Variants in CDC20B observed in about 807,000 individuals in gnomAD.
The protein encoded by CDC20B is cell division cycle 20B, also known as cell division cycle protein 20 homolog B.
In CDC20B, 58 loss-of-function variants were observed where a neutral mutation model predicts 64.1. The ratio of observed to expected loss-of-function variants is 0.90; its 90% CI spans 0.73 to 1.13. CDC20B has a LOEUF of 1.13. Among genes scored for constraint, CDC20B ranks in the 50% most tolerant of loss-of-function variants. The probability of loss-of-function intolerance (pLI) is 0.00; values close to 1 mark genes in which losing one functional copy is unlikely to be tolerated. For synonymous variants in CDC20B, 243 were observed against 230.6 expected, an observed-to-expected ratio of 1.05 and a Z score of -0.49; for missense variants, 597 against 633.0, an observed-to-expected ratio of 0.94 and a Z score of 0.61.
At chr5:55,116,848 G>C (rs1742637055) in intron 11 of CDC20B, among the ~76,000 whole-genome samples, 1 of 152,186 alleles carries the variant, frequency 6.6e-6, no homozygotes, top group African/African-American at 2.4e-5. Flanking sequence ...AAACTGGAAA[G>C]CTACTTTTAG....
chr5:55,136,234 C>T (rs1743167728), intron 5 of CDC20B, among the ~76,000 whole-genome samples: 1 of 151,794 alleles, frequency 6.6e-6, no homozygotes, highest in Non-Finnish European at 1.5e-5. Flanking sequence ...GCGTGAACCA[C>T]TGTGCCCAGC....
intron 2 of CDC20B, among the ~76,000 whole-genome samples, chr5:55,153,491 T>C (rs984921181): frequency 3.3e-5 from 5 of 152,130 alleles, no homozygotes; most frequent in African/African-American, 1.2e-4. Context: ...GATAGATATA[T>C]GTATTATTTT....
Position 55,155,603 on chromosome 5 carries a change from C to T in CDC20B, c.127-8747G>A, listed in dbSNP as rs182664477. Among the ~76,000 whole-genome samples the T allele has an allele frequency of 1.7e-3, 265 of 152,270 alleles. 1 individual carries two copies. Among genetic ancestry groups the T allele is most frequent in the Middle Eastern group, 0.01 (3 of 294 alleles). On this transcript the variant is annotated intron_variant, in intron 2 of 11. Transcript: ENST00000381375. The stretch of plus-strand genomic sequence containing the variant: ...TAGTCATGAAGACCAAAATGTTCAT[C>T]GTCTCATGTTTGAACTTTCAACGCC...
chr5:55,121,284 G>C (rs576182607), intron 9 of CDC20B, among the ~76,000 whole-genome samples: 6 of 151,876 alleles, frequency 4.0e-5, no homozygotes, highest in African/African-American at 1.5e-4. Flanking sequence ...AGCAAACATC[G>C]TGTTTATACT....
chr5:55,160,149 C>T, intron 2 of CDC20B: 3 of 1,475,612 alleles, frequency 2.0e-6, no homozygotes, highest in Non-Finnish European at 2.8e-6. Flanking sequence ...TCAGCTCCTC[C>T]TTGAATTCCA....
At chr5:55,162,762 G>A (rs1277150836) in intron 2 of CDC20B, among the ~76,000 whole-genome samples, 2 of 152,250 alleles carry the variant, frequency 1.3e-5, no homozygotes, top group Non-Finnish European at 2.9e-5. Flanking sequence ...ATACGTGGGT[G>A]CAATAGCTCA....
intron 2 of CDC20B, among the ~76,000 whole-genome samples, chr5:55,154,243 G>A (rs79988884): frequency 0.024 from 3,663 of 152,228 alleles, 154 homozygotes; most frequent in African/African-American, 0.077. Flanking sequence ...AGGGTCTGGC[G>A]CAGTGGCTTA....
Position 55,172,925 on chromosome 5 carries a change from G to C in CDC20B, c.63+13C>G, listed in dbSNP as rs950058096. The C allele has an allele frequency of 1.3e-6, 2 of 1,595,892 alleles. No homozygotes were observed. Among genetic ancestry groups the C allele is most frequent in the Middle Eastern group, 1.7e-4 (1 of 5,940 alleles). On this transcript the variant is annotated intron_variant, in intron 1 of 11. Coordinates refer to ENST00000381375, the MANE Select transcript of CDC20B (RefSeq NM_001170402.1). ...AGAGAGTTAGGGAGAATGCAGAAAA[G>C]GGTGTTACTCACCCACAGCATCTCC...
At chr5:55,142,317 C>T (rs116453449) in intron 4 of CDC20B, among the ~76,000 whole-genome samples, 131 of 152,250 alleles carry the variant, frequency 8.6e-4, no homozygotes, top group African/African-American at 3.1e-3. Flanking sequence ...ACTCTCGATG[C>T]TATTTGACTT....
At chr5:55,117,972 A>G (rs1206061021) in intron 11 of CDC20B, among the ~76,000 whole-genome samples, 1 of 152,068 alleles carries the variant, frequency 6.6e-6, no homozygotes, top group Non-Finnish European at 1.5e-5. Context: ...CACAAAAATT[A>G]GCCAGGCGTG....
intron 2 of CDC20B, among the ~76,000 whole-genome samples, chr5:55,152,282 T>G (rs1464729719): frequency 6.6e-6 from 1 of 152,260 alleles, no homozygotes; most frequent in Non-Finnish European, 1.5e-5. Flanking sequence ...ACAAAGTTTC[T>G]GGTAATTTGT....
chr5:55,132,714 T>A (rs1045274304), intron 6 of CDC20B, among the ~76,000 whole-genome samples: 1 of 152,242 alleles, frequency 6.6e-6, no homozygotes, highest in African/African-American at 2.4e-5. Flanking sequence ...CCAAAACAAA[T>A]CTAAATTTCT....
In CDC20B at chr5:55,137,428, T is replaced by G. The variant is rs913490100; in HGVS notation, c.580+2886A>C. Reference sequence around the variant, plus strand: ...TATGGACAAGGCATAAAGAATTGCTTTATATACACAGCATTTGGATAACAT... The same window carrying G: ...TATGGACAAGGCATAAAGAATTGCTGTATATACACAGCATTTGGATAACAT... On this transcript the variant is annotated intron_variant, in intron 5 of 11. Coordinates refer to ENST00000381375, the MANE Select transcript of CDC20B (RefSeq NM_001170402.1). 651 of 408,596 alleles carry G rather than the reference T, an allele frequency of 1.6e-3. 3 individuals are homozygous for G. The highest frequency in any genetic ancestry group is 1.4e-3 in the Non-Finnish European group (291 of 202,988). 25.3% of individuals were successfully genotyped at this position (408,596 alleles called of 1,614,324 possible).
intron 2 of CDC20B, chr5:55,161,318 G>A: frequency 7.0e-7 from 1 of 1,418,474 alleles, no homozygotes; most frequent in Non-Finnish European, 9.7e-7. Flanking sequence ...ATTATACCAG[G>A]ACAATACTTT....
intron 8 of CDC20B, among the ~76,000 whole-genome samples, chr5:55,125,563 TG>T (rs1742864905): frequency 6.6e-6 from 1 of 152,314 alleles, no homozygotes; most frequent in African/African-American, 2.4e-5. Context: ...TAAAACCAAT[TG>T]AATGTCACAG....
chr5:55,164,446 C>G (rs1744272616), intron 2 of CDC20B: 1 of 298,666 alleles, frequency 3.3e-6, no homozygotes. Context: ...ATGAATGTTC[C>G]CAGGATGAGG....
chr5:55,127,379 T>C, intron 7 of CDC20B, 28 bp from the exon 8 acceptor site: 1 of 1,583,560 alleles, frequency 6.3e-7, no homozygotes. Flanking sequence ...GAGAGTTATG[T>C]AGCATTGGAG....
chr5:55,129,660 C>T (rs759881303), intron 6 of CDC20B, among the ~76,000 whole-genome samples: 1 of 152,190 alleles, frequency 6.6e-6, no homozygotes, highest in Non-Finnish European at 1.5e-5. Context: ...AGACTCAAAT[C>T]ACCTTAGTAA....
intron 3 of CDC20B, among the ~76,000 whole-genome samples, chr5:55,144,556 C>CT (rs1743419922): frequency 6.6e-6 from 1 of 152,068 alleles, no homozygotes. Context: ...AAAATTTAAG[C>CT]AATATATATT....
Sources: allele counts gnomAD v4.1 joint callset (sites outside exome capture counted in the v4.1 genomes callset), GRCh38; gene constraint gnomAD v4.1.1; transcripts MANE v1.5; gene names NCBI Gene and HGNC (gene_info 2026-07-23, HGNC 2026-07-21).